The following DEK variants were observed in gnomAD, a reference collection of about 807,000 sequenced individuals.
DEK encodes the protein protein DEK.
Under a neutral mutation model 46.8 loss-of-function variants are expected in DEK, and 28 were observed. The ratio of observed to expected loss-of-function variants is 0.60; its 90% CI spans 0.44 to 0.82. DEK has a LOEUF of 0.82. Among genes scored for constraint, DEK ranks in the 40% least tolerant of loss-of-function variants. DEK has a pLI of 0.00. For synonymous variants in DEK, 160 were observed against 144.5 expected (o/e 1.11, Z -0.77); for missense variants, 416 against 430.6 (o/e 0.97, Z 0.30).
chr6:18,227,019 G>T (rs1335718646), intron 9 of DEK, among the ~76,000 whole-genome samples: 1 of 152,128 alleles, frequency 6.6e-6, no homozygotes, highest in Admixed American at 6.6e-5. Flanking sequence ...AAGTACCCAG[G>T]GACACAAACA....
intron 4 of DEK, among the ~76,000 whole-genome samples, chr6:18,257,353 CCTTT>C (rs368789817): frequency 6.1e-4 from 93 of 152,254 alleles, no homozygotes; most frequent in African/African-American, 2.2e-3. Flanking sequence ...GTCACTAAAA[CCTTT>C]CATCACAATT....
At chr6:18,228,888 G>A (rs556260999) in intron 9 of DEK, among the ~76,000 whole-genome samples, 10 of 152,312 alleles carry the variant, frequency 6.6e-5, no homozygotes, top group African/African-American at 2.4e-4. Context: ...CTCGAACTGG[G>A]TGGAGCCCAC....
intron 1 of DEK, 121 bp downstream of exon 1, chr6:18,264,264 C>A: frequency 4.5e-6 from 1 of 220,116 alleles, no homozygotes. Flanking sequence ...CGGCCCGGCC[C>A]GAGCTGCCGG....
rs1023913391 is a variant in DEK, at chr6:18,225,609, A to G, written c.*110T>C. On this transcript the variant is annotated 3_prime_UTR_variant, in exon 11 of 11. Coordinates refer to ENST00000652689, the MANE Select transcript of DEK (RefSeq NM_003472.4). ...AAAAGGTCAGCAGTAAGTTCTACTA[A>G]CGTTGCTTAACAAGGATTTAGAAAA... 10 of 1,269,390 alleles carry G rather than the reference A, an allele frequency of 7.9e-6. No homozygotes were observed. The African/African-American group carries it at 1.2e-4, about 15-fold the overall frequency. 78.6% of individuals were successfully genotyped at this position (1,269,390 alleles called of 1,614,324 possible).
At chr6:18,231,520 A>C (rs2151078194) in intron 9 of DEK, among the ~76,000 whole-genome samples, 1 of 152,322 alleles carries the variant, frequency 6.6e-6, no homozygotes, top group Middle Eastern at 3.4e-3. Context: ...GAAATAAAAA[A>C]TGATAAAGGG....
chr6:18,256,206 C>G (rs1196971957), intron 5 of DEK, among the ~76,000 whole-genome samples, 155 bp downstream of exon 5: 2 of 152,034 alleles, frequency 1.3e-5, no homozygotes, highest in African/African-American at 2.4e-5. Flanking sequence ...AGGCTGGTCT[C>G]AAACTCCTGA....
intron 7 of DEK, among the ~76,000 whole-genome samples, chr6:18,248,007 A>G (rs996311241): frequency 1.6e-4 from 24 of 152,240 alleles, no homozygotes; most frequent in Admixed American, 3.9e-4. Context: ...AGTAATGACA[A>G]GAAGATTCGA....
At chr6:18,242,467 G>A (rs1790932690) in intron 7 of DEK, among the ~76,000 whole-genome samples, 3 of 152,172 alleles carry the variant, frequency 2.0e-5, no homozygotes, top group African/African-American at 7.2e-5. Flanking sequence ...AATATTAAAT[G>A]GAAAATTCCA....
At chr6:18,227,269 G>C (rs1048876029) in intron 9 of DEK, among the ~76,000 whole-genome samples, 1 of 151,956 alleles carries the variant, frequency 6.6e-6, no homozygotes, top group Admixed American at 6.6e-5. Context: ...GGAATGTCTC[G>C]GTATAAAACC....
At chr6:18,229,339 G>T (rs547825747) in intron 9 of DEK, among the ~76,000 whole-genome samples, 69 of 152,182 alleles carry the variant, frequency 4.5e-4, no homozygotes, top group Non-Finnish European at 2.5e-4. Flanking sequence ...CTCCTCCAAA[G>T]GAACACAGCT....
intron 2 of DEK, among the ~76,000 whole-genome samples, chr6:18,262,055 G>A (rs1412334443): frequency 2.0e-5 from 3 of 152,160 alleles, no homozygotes; most frequent in Non-Finnish European, 4.4e-5. Flanking sequence ...CCGTGGTGGT[G>A]AGTGAGTTCT....
At chr6:18,255,173 C>T (rs1791549144) in intron 6 of DEK, among the ~76,000 whole-genome samples, 1 of 152,168 alleles carries the variant, frequency 6.6e-6, no homozygotes, top group Non-Finnish European at 1.5e-5. Context: ...TAGGGCAAAC[C>T]TACTAGCTTT....
chr6:18,248,900 G>A (rs760563159), intron 7 of DEK, among the ~76,000 whole-genome samples: 1 of 152,120 alleles, frequency 6.6e-6, no homozygotes, highest in Admixed American at 6.5e-5. Context: ...ATAAGGCAAG[G>A]TTGATTACCC....
rs2151074609 is a variant in DEK, at chr6:18,225,669, A to G, written c.*50T>C. Reference sequence around the variant, plus strand: ...TTCTCTTTGCTGGTATAATGGTATAAATCAGATCTTCAAATCTATGGGAAC... The same window carrying G: ...TTCTCTTTGCTGGTATAATGGTATAGATCAGATCTTCAAATCTATGGGAAC... On this transcript the variant is annotated 3_prime_UTR_variant, in exon 11 of 11. Transcript: ENST00000652689. The G allele has an allele frequency of 1.2e-6, 2 of 1,601,696 alleles. No individual in the cohort carries two copies. Among genetic ancestry groups the G allele is most frequent in the East Asian group, 4.5e-5 (2 of 44,554 alleles).
chr6:18,244,872 A>G (rs1006002596), intron 7 of DEK, among the ~76,000 whole-genome samples: 1 of 152,238 alleles, frequency 6.6e-6, no homozygotes, highest in Non-Finnish European at 1.5e-5. Context: ...TCTAAAACAC[A>G]ATGTGAAAGG....
intron 7 of DEK, among the ~76,000 whole-genome samples, chr6:18,242,109 T>C (rs1019637218): frequency 4.6e-5 from 7 of 152,324 alleles, no homozygotes; most frequent in East Asian, 1.9e-4. Flanking sequence ...TTAGAAAGAA[T>C]AGGAAGCCAT....
At chr6:18,227,957 G>C (rs1790213487) in intron 9 of DEK, among the ~76,000 whole-genome samples, 1 of 152,132 alleles carries the variant, frequency 6.6e-6, no homozygotes, top group Non-Finnish European at 1.5e-5. Context: ...CTAAGACCCA[G>C]GTGGTCTCAA....
chr6:18,230,421 G>C (rs1790360344), intron 9 of DEK, among the ~76,000 whole-genome samples: 1 of 152,116 alleles, frequency 6.6e-6, no homozygotes, highest in African/African-American at 2.4e-5. Context: ...CCAATTAAAA[G>C]ACACAGACTG....
Position 18,256,390 on chromosome 6 carries a change from T to C in DEK, c.423A>G (p.Gln141=), listed in dbSNP as rs866219877. 1.2e-6 allele frequency: 2 copies of C among 1,613,436 alleles called. No individual in the cohort carries two copies. The highest frequency in any genetic ancestry group is 1.3e-5 in the African/African-American group (1 of 74,918). The change falls in exon 5 of 11, where the codon CAA becomes CAG. Residue 141 remains glutamine (Q), a synonymous_variant. Coordinates refer to ENST00000652689, the MANE Select transcript of DEK (RefSeq NM_003472.4). ...TCAACATTTCTTCCTTCTTTTTATA[T>C]TGGACACTTCCTTTTTCAAATGGAA... ...SGFPFEKGSV[Q]YKKKEEMLKK...
Sources: gnomAD v4.1 joint callset for allele counts (sites outside exome capture counted in the v4.1 genomes callset) on GRCh38, gnomAD v4.1.1 for gene constraint, MANE v1.5 for transcripts, NCBI Gene and HGNC (gene_info 2026-07-23, HGNC 2026-07-21) for gene names.